GULP1: variants seen among roughly 807,000 people sequenced by gnomAD.
GULP1 encodes the protein GULP PTB domain containing engulfment adaptor 1.
In GULP1, 19 loss-of-function variants were observed where a neutral mutation model predicts 40.9. The ratio of observed to expected loss-of-function variants is 0.46; its 90% CI spans 0.32 to 0.68. The LOEUF is 0.68. Among genes scored for constraint, GULP1 ranks in the 30% least tolerant of loss-of-function variants. The pLI, the probability that GULP1 is intolerant of heterozygous loss-of-function variation, is 0.03. For missense variants in GULP1, 312 were observed against 362.2 expected (o/e 0.86, Z 1.12); for synonymous variants, 119 against 117.6 (o/e 1.01, Z -0.08).
intron 1 of GULP1, among the ~76,000 whole-genome samples, chr2:188,383,232 G>T (rs193016061): frequency 2.6e-5 from 4 of 152,308 alleles, no homozygotes; most frequent in Admixed American, 2.6e-4. Flanking sequence ...AATAAAAATA[G>T]AAAAGTCTTA....
chr2:188,364,424 G>C (rs542745215), intron 1 of GULP1, among the ~76,000 whole-genome samples: 65 of 152,224 alleles, frequency 4.3e-4, no homozygotes, highest in African/African-American at 1.5e-3. Context: ...GTCAGCCTTC[G>C]CATCTGTGTA....
At chr2:188,331,584 A>T (rs577801989) in intron 1 of GULP1, among the ~76,000 whole-genome samples, 4 of 152,338 alleles carry the variant, frequency 2.6e-5, no homozygotes, top group Non-Finnish European at 4.4e-5. Flanking sequence ...ATTTGATTTG[A>T]TTATAAATTT....
chr2:188,459,996 G>A (rs2059574512), intron 2 of GULP1, among the ~76,000 whole-genome samples: 1 of 152,050 alleles, frequency 6.6e-6, no homozygotes, highest in African/African-American at 2.4e-5. Context: ...TGTTTCATTG[G>A]TCTATGTGTC....
At chr2:188,389,744 T>C (rs940581603) in intron 2 of GULP1, among the ~76,000 whole-genome samples, 3 of 152,082 alleles carry the variant, frequency 2.0e-5, no homozygotes, top group African/African-American at 7.2e-5. Context: ...AATATGTAGT[T>C]TTTTATTCCT....
chr2:188,572,569 TATA>T (rs141844266), intron 9 of GULP1, among the ~76,000 whole-genome samples: 1,687 of 152,320 alleles, frequency 0.011, 24 homozygotes, highest in African/African-American at 0.038. Flanking sequence ...GCAATCTACT[TATA>T]GTCTTTTGTC....
chr2:188,488,843 T>C (rs1248706100), intron 4 of GULP1, among the ~76,000 whole-genome samples: 1 of 151,998 alleles, frequency 6.6e-6, no homozygotes, highest in Non-Finnish European at 1.5e-5. Flanking sequence ...AAAATATTAA[T>C]GCAAAGATTG....
At chr2:188,401,568 A>G (rs1270055615) in intron 2 of GULP1, among the ~76,000 whole-genome samples, 1 of 152,094 alleles carries the variant, frequency 6.6e-6, no homozygotes, top group Non-Finnish European at 1.5e-5. Flanking sequence ...AATTTCAAAG[A>G]TTGAGCATCT....
intron 2 of GULP1, among the ~76,000 whole-genome samples, chr2:188,394,894 T>A (rs1003499616): frequency 5.9e-5 from 9 of 152,210 alleles, no homozygotes; most frequent in African/African-American, 2.2e-4. Context: ...GTTCACTCTC[T>A]CCTCTGGGGT....
chr2:188,389,556 C>G (rs2050240451), intron 2 of GULP1, among the ~76,000 whole-genome samples: 1 of 152,038 alleles, frequency 6.6e-6, no homozygotes, highest in Non-Finnish European at 1.5e-5. Flanking sequence ...GAAAAGTGTC[C>G]TTACCTCCTA....
chr2:188,448,825 A>C (rs1418457224), intron 2 of GULP1, among the ~76,000 whole-genome samples: 1 of 152,086 alleles, frequency 6.6e-6, no homozygotes, highest in East Asian at 1.9e-4. Context: ...ATGAGTTCTC[A>C]TGAGATGTGG....
In GULP1 at chr2:188,392,157, A is replaced by G. The variant is rs111636580; in HGVS notation, c.-45+8268A>G. Among the ~76,000 whole-genome samples, 357 of 152,028 alleles carry G rather than the reference A, an allele frequency of 2.3e-3. 1 individual carries two copies. Among genetic ancestry groups the G allele is most frequent in the African/African-American group, 8.0e-3 (333 of 41,522 alleles). On this transcript the variant is annotated intron_variant, in intron 2 of 11. Coordinates refer to ENST00000409830, the MANE Select transcript of GULP1 (RefSeq NM_016315.4). ...ATTAGGGAGGATTACCTCTTTCTCA[A>G]TCTTTTCACTAAGATTGGTATCAAT...
intron 4 of GULP1, among the ~76,000 whole-genome samples, chr2:188,496,852 A>T (rs1339541726): frequency 6.6e-6 from 1 of 151,850 alleles, no homozygotes; most frequent in Admixed American, 6.6e-5. Context: ...AGAGTGAGTT[A>T]TGGCAAGATC....
At chr2:188,461,628 T>C (rs1224872705) in intron 2 of GULP1, among the ~76,000 whole-genome samples, 1 of 152,054 alleles carries the variant, frequency 6.6e-6, no homozygotes, top group African/African-American at 2.4e-5. Context: ...ATTATGGCTT[T>C]AATCTTGTTA....
chr2:188,551,287 T>C (rs1441619621), intron 7 of GULP1, among the ~76,000 whole-genome samples: 1 of 151,650 alleles, frequency 6.6e-6, no homozygotes, highest in Non-Finnish European at 1.5e-5. Context: ...TAACTGTATG[T>C]TTGTACCCAT....
At chr2:188,314,874 C>T (rs1313746824) in intron 1 of GULP1, among the ~76,000 whole-genome samples, 1 of 152,126 alleles carries the variant, frequency 6.6e-6, no homozygotes, top group Non-Finnish European at 1.5e-5. Flanking sequence ...CTTTGTCTAG[C>T]CATCCGTGCT....
At chr2:188,495,368 C>T (rs928949264) in intron 4 of GULP1, among the ~76,000 whole-genome samples, 2 of 152,094 alleles carry the variant, frequency 1.3e-5, no homozygotes, top group African/African-American at 4.8e-5. Flanking sequence ...TAATTTAAGT[C>T]TTAGCAAACA....
intron 1 of GULP1, among the ~76,000 whole-genome samples, chr2:188,322,543 T>G (rs1268898654): frequency 1.3e-5 from 2 of 152,180 alleles, no homozygotes; most frequent in East Asian, 3.9e-4. Context: ...TATCCAAATT[T>G]GTAGCTATTC....
chr2:188,494,898 C>T (rs2062756723), intron 4 of GULP1, among the ~76,000 whole-genome samples: 1 of 151,916 alleles, frequency 6.6e-6, no homozygotes, highest in Admixed American at 6.6e-5. Flanking sequence ...ACTATACTTC[C>T]TTGCTAAATG....
intron 2 of GULP1, among the ~76,000 whole-genome samples, chr2:188,473,688 G>C (rs1025535468): frequency 1.4e-4 from 21 of 152,202 alleles, no homozygotes; most frequent in African/African-American, 4.8e-4. Flanking sequence ...CTCGCCTCTG[G>C]CCAAGGACAG....
Sources: allele counts gnomAD v4.1 joint callset (sites outside exome capture counted in the v4.1 genomes callset), GRCh38; gene constraint gnomAD v4.1.1; transcripts MANE v1.5; gene names NCBI Gene and HGNC (gene_info 2026-07-23, HGNC 2026-07-21).